The following KIAA1328 variants were observed in gnomAD, a reference collection of about 807,000 sequenced individuals.
KIAA1328 encodes protein hinderin.
Under a neutral mutation model 68.1 loss-of-function variants are expected in KIAA1328, and 52 were observed. That is an observed-to-expected ratio of 0.76 (90% CI 0.61 to 0.96). The LOEUF is 0.96. Ranked by LOEUF, KIAA1328 falls within the 40% of genes least tolerant of loss-of-function variation. The pLI is 0.00. For synonymous variants in KIAA1328, 232 were observed against 239.4 expected, an observed-to-expected ratio of 0.97 and a Z score of 0.28; for missense variants, 641 against 677.6, an observed-to-expected ratio of 0.95 and a Z score of 0.60.
Position 37,173,054 on chromosome 18 carries a change from C to T in KIAA1328, c.1496C>T (p.Ser499Leu), listed in dbSNP as rs374666208. 8 of 1,613,270 alleles carry T rather than the reference C, an allele frequency of 5.0e-6. No homozygotes were observed. In the African/African-American group the frequency reaches 1.1e-4, roughly 22 times the overall value. Residue 499 changes from serine to leucine, a missense_variant, in exon 9 of 10, where the codon TCA becomes TTA. By Grantham distance (145) the Ser-to-Leu change is moderately radical. Coordinates refer to ENST00000280020, the MANE Select transcript of KIAA1328 (RefSeq NM_020776.3). ...CTAAAGGATTTTGTCACCACAGCCT[C>T]ACCATCATTACAGCACACCACCTCC... The part of the protein sequence containing the change: ...GSLKDFVTTA[S>L]PSLQHTTSRY...
At chr18:36,988,460 C>T (rs574969989) in intron 6 of KIAA1328, among the ~76,000 whole-genome samples, 24 of 152,280 alleles carry the variant, frequency 1.6e-4, no homozygotes, top group African/African-American at 5.8e-4. Flanking sequence ...GAATGTTAGA[C>T]ATTTGGCTGT....
At chr18:37,212,910 T>A (rs2060344988) in intron 9 of KIAA1328, among the ~76,000 whole-genome samples, 1 of 151,170 alleles carries the variant, frequency 6.6e-6, no homozygotes, top group Admixed American at 6.6e-5. Context: ...AGAGATGGGG[T>A]TTTTCACCAT....
intron 9 of KIAA1328, among the ~76,000 whole-genome samples, chr18:37,201,885 G>C (rs1287163291): frequency 6.6e-6 from 1 of 152,152 alleles, no homozygotes; most frequent in Non-Finnish European, 1.5e-5. Flanking sequence ...CAAGGTACTG[G>C]ACCAGTCTTT....
intron 8 of KIAA1328, among the ~76,000 whole-genome samples, chr18:37,170,777 C>T (rs1292456217): frequency 6.6e-6 from 1 of 152,164 alleles, no homozygotes; most frequent in Admixed American, 6.5e-5. Context: ...GGGCAGATCA[C>T]ATAGGCTCTT....
rs1296904320 is a variant in KIAA1328 at position 37,223,794 on chromosome 18, C to T, written c.*1567C>T. ...ATGTCTCTTCAGGCTGAGACTGGCGCTGTCACCTCCACCCAGCCTTCTTTC... is the reference window on the plus strand; with the variant it reads ...ATGTCTCTTCAGGCTGAGACTGGCGTTGTCACCTCCACCCAGCCTTCTTTC... On this transcript the variant is annotated 3_prime_UTR_variant, in exon 10 of 10. Coordinates refer to ENST00000280020, the MANE Select transcript of KIAA1328 (RefSeq NM_020776.3). The T allele has an allele frequency of 2.0e-6, 2 of 985,256 alleles. No homozygotes were observed. Among genetic ancestry groups the T allele is most frequent in the Non-Finnish European group, 2.4e-6 (2 of 829,898 alleles). The allele number at this position is 985,256 out of a possible 1,614,324, so 61.0% of individuals were successfully genotyped here.
intron 7 of KIAA1328, among the ~76,000 whole-genome samples, chr18:37,084,790 A>G (rs188383571): frequency 3.9e-5 from 6 of 152,334 alleles, no homozygotes; most frequent in African/African-American, 1.4e-4. Context: ...TGGAATTACT[A>G]GTACAAAGTA....
chr18:36,846,658 GT>G (rs1354402887), intron 4 of KIAA1328, among the ~76,000 whole-genome samples: 1 of 151,380 alleles, frequency 6.6e-6, no homozygotes, highest in African/African-American at 2.4e-5. Flanking sequence ...CATTAATATA[GT>G]TTCCATTATT....
rs1229015693 is a variant in KIAA1328, at chr18:37,056,904, A to G, written c.577-9986A>G. On this transcript the variant is annotated intron_variant, in intron 6 of 9. Transcript: ENST00000280020. Reference sequence around the variant, plus strand: ...GTGATCCACCCACCTTGGCCTCCCAAAGTACTGGGATTACAGGCATGAGCC... The same window carrying G: ...GTGATCCACCCACCTTGGCCTCCCAGAGTACTGGGATTACAGGCATGAGCC... Among the ~76,000 whole-genome samples the G allele has an allele frequency of 2.0e-5, 3 of 152,276 alleles. No individual in the cohort carries two copies. In the East Asian group the frequency reaches 5.8e-4, roughly 29 times the overall value.
intron 5 of KIAA1328, among the ~76,000 whole-genome samples, chr18:36,887,145 A>G (rs2048529227): frequency 7.2e-6 from 1 of 139,744 alleles, no homozygotes; most frequent in African/African-American, 2.7e-5. Context: ...CTTTGACTTC[A>G]TTGCCCTTGG....
chr18:37,207,260 C>G (rs1049400846), intron 9 of KIAA1328, among the ~76,000 whole-genome samples: 3 of 152,136 alleles, frequency 2.0e-5, no homozygotes, highest in African/African-American at 7.2e-5. Flanking sequence ...TCCAATTGTG[C>G]ATGCAAATAA....
At chr18:37,028,734 G>A (rs1274784821) in intron 6 of KIAA1328, among the ~76,000 whole-genome samples, 1 of 151,806 alleles carries the variant, frequency 6.6e-6, no homozygotes, top group Non-Finnish European at 1.5e-5. Flanking sequence ...TAAGATGAAG[G>A]GATAAATTTT....
At chr18:36,999,846 G>A (rs1430128713) in intron 6 of KIAA1328, among the ~76,000 whole-genome samples, 1 of 151,696 alleles carries the variant, frequency 6.6e-6, no homozygotes, top group African/African-American at 2.4e-5. Flanking sequence ...AAAACTCACT[G>A]GTAAAGCAAT....
At chr18:36,929,809 G>A (rs1249732292) in intron 5 of KIAA1328, among the ~76,000 whole-genome samples, 1 of 152,096 alleles carries the variant, frequency 6.6e-6, no homozygotes, top group Non-Finnish European at 1.5e-5. Context: ...CTGGCACCCT[G>A]ATCCTGGACT....
chr18:37,150,842 G>C (rs2059013055), intron 7 of KIAA1328, among the ~76,000 whole-genome samples: 1 of 152,112 alleles, frequency 6.6e-6, no homozygotes, highest in Admixed American at 6.6e-5. Context: ...CTCTCATCAA[G>C]CTGGAAAAAT....
In KIAA1328 at chr18:37,222,057, C is replaced by T. The variant is rs2060573975; in HGVS notation, c.1564C>T (p.Pro522Ser). ...GTTGGATTTGGTTCAGTCTCTGAGC[C>T]CAAACTCTGCGCCCAAACCTCAGCG... ...SLLDLVQSLS[P>S]NSAPKPQRYP... The change falls in exon 10 of 10, where the codon CCA (proline) becomes TCA (serine). Residue 522 changes from proline (P) to serine (S), a missense_variant. Pro to Ser is a moderately conservative substitution (Grantham distance 74, BLOSUM62 -1). Coordinates refer to ENST00000280020, the MANE Select transcript of KIAA1328 (RefSeq NM_020776.3). 6 of 1,613,628 alleles carry T rather than the reference C, an allele frequency of 3.7e-6. No individual in the cohort carries two copies. The highest frequency in any genetic ancestry group is 1.7e-4 in the Middle Eastern group (1 of 6,058).
intron 6 of KIAA1328, among the ~76,000 whole-genome samples, chr18:37,059,665 T>C (rs1030473994): frequency 1.4e-4 from 22 of 152,252 alleles, no homozygotes; most frequent in Admixed American, 7.8e-4. Flanking sequence ...GAAATACCAT[T>C]TGACCCAGCA....
chr18:37,101,582 T>G (rs1487871629), intron 7 of KIAA1328, among the ~76,000 whole-genome samples: 7 of 152,246 alleles, frequency 4.6e-5, no homozygotes, highest in East Asian at 1.9e-4. Context: ...AACCAAGTTG[T>G]AAAACACTCT....
intron 7 of KIAA1328, among the ~76,000 whole-genome samples, chr18:37,114,925 T>C (rs1172378861): frequency 6.6e-6 from 1 of 152,134 alleles, no homozygotes; most frequent in Non-Finnish European, 1.5e-5. Context: ...AAGAAATGGA[T>C]AAATTGCTCA....
intron 1 of KIAA1328, among the ~76,000 whole-genome samples, chr18:36,832,232 G>A (rs2046516666): frequency 6.6e-6 from 1 of 152,156 alleles, no homozygotes; most frequent in South Asian, 2.1e-4. Context: ...AAATATTGAA[G>A]TAGTTTGTTT....
Sources: gnomAD v4.1 joint callset for allele counts (sites outside exome capture counted in the v4.1 genomes callset) on GRCh38, gnomAD v4.1.1 for gene constraint, MANE v1.5 for transcripts, NCBI Gene and HGNC (gene_info 2026-07-23, HGNC 2026-07-21) for gene names.